The following GPATCH2 variants were observed in gnomAD, a reference collection of about 807,000 sequenced individuals.
GPATCH2 encodes G-patch domain containing 2, also known as G patch domain-containing protein 2.
GPATCH2 carries 51 observed loss-of-function variants against 58.0 expected under a neutral mutation model. The ratio of observed to expected loss-of-function variants is 0.88; its 90% CI spans 0.70 to 1.11. The LOEUF is 1.11. Ranked by LOEUF, GPATCH2 falls within the 50% of genes most tolerant of loss-of-function variation. GPATCH2 has a pLI of 0.00. For missense variants in GPATCH2, 625 were observed against 652.2 expected (o/e 0.96, Z 0.45); for synonymous variants, 222 against 218.5 (o/e 1.02, Z -0.14).
intron 3 of GPATCH2, among the ~76,000 whole-genome samples, chr1:217,613,563 G>GT (rs945082024): frequency 1.3e-5 from 2 of 151,946 alleles, no homozygotes; most frequent in South Asian, 2.1e-4. Context: ...CCTTATTAAG[G>GT]TTTTTTTAAA....
At chr1:217,466,886 A>T (rs142356666) in intron 8 of GPATCH2, among the ~76,000 whole-genome samples, 1 of 152,182 alleles carries the variant, frequency 6.6e-6, no homozygotes, top group Admixed American at 6.6e-5. Flanking sequence ...ATGAAAGGAT[A>T]TATCTGCTGG....
intron 1 of GPATCH2, among the ~76,000 whole-genome samples, chr1:217,626,283 T>C (rs533713599): frequency 6.6e-6 from 1 of 152,334 alleles, no homozygotes; most frequent in East Asian, 1.9e-4. Flanking sequence ...ACAAAAACAC[T>C]GTACTAACAC....
chr1:217,514,959 T>C (rs1490821511), intron 5 of GPATCH2, 70 bp from the exon 6 acceptor site: 10 of 743,162 alleles, frequency 1.3e-5, no homozygotes, highest in Admixed American at 1.2e-4. Flanking sequence ...ATAATAGTGA[T>C]ATATCAATTT....
intron 5 of GPATCH2, among the ~76,000 whole-genome samples, chr1:217,604,480 C>CTT (rs1388278602): frequency 6.6e-6 from 1 of 151,872 alleles, no homozygotes; most frequent in Non-Finnish European, 1.5e-5. Context: ...TTTAAAAACA[C>CTT]TTTCTTCTTG....
chr1:217,594,098 G>A (rs1325381016), intron 5 of GPATCH2, among the ~76,000 whole-genome samples: 3 of 152,150 alleles, frequency 2.0e-5, no homozygotes, highest in East Asian at 3.9e-4. Context: ...CTCTAGGTAC[G>A]TGGCTAAGTG....
At chr1:217,614,348 A>C (rs2102824109) in intron 2 of GPATCH2, 146 bp from the exon 3 acceptor site, 1 of 589,050 alleles carries the variant, frequency 1.7e-6, no homozygotes, top group Middle Eastern at 3.7e-4. Flanking sequence ...TTTTAATCAA[A>C]CTGCTAATAT....
chr1:217,549,025 T>C (rs560576187), intron 5 of GPATCH2, among the ~76,000 whole-genome samples: 2 of 152,330 alleles, frequency 1.3e-5, no homozygotes, highest in East Asian at 1.9e-4. Context: ...TGAGAAGTGG[T>C]AGTTGCCAGG....
intron 9 of GPATCH2, among the ~76,000 whole-genome samples, chr1:217,434,726 C>A (rs1380011134): frequency 1.3e-5 from 2 of 152,096 alleles, no homozygotes; most frequent in Non-Finnish European, 2.9e-5. Context: ...AATTTTCAGT[C>A]CTAAAGTGAA....
chr1:217,460,221 GAA>G (rs1196916636), intron 8 of GPATCH2, among the ~76,000 whole-genome samples: 1 of 152,114 alleles, frequency 6.6e-6, no homozygotes, highest in Non-Finnish European at 1.5e-5. Context: ...CCCATGAACA[GAA>G]AGTTAAGTTA....
chr1:217,625,511 T>C lies in GPATCH2; in HGVS notation c.57-5012A>G, dbSNP rs918083109. ...CGAGAAATAAACAGTCAACTATTTT[T>C]ACAATGACTATTGCTTTTTGAAGCC... On this transcript the variant is annotated intron_variant, in intron 1 of 9. Coordinates refer to ENST00000366935, the MANE Select transcript of GPATCH2 (RefSeq NM_018040.5). 2.0e-5 allele frequency among the ~76,000 whole-genome samples: 3 copies of C among 152,200 alleles called. No individual in the cohort carries two copies. The South Asian group carries it at 6.2e-4, about 31-fold the overall frequency.
intron 8 of GPATCH2, among the ~76,000 whole-genome samples, chr1:217,462,334 C>CA (rs1660233695): frequency 1.3e-5 from 2 of 152,234 alleles, no homozygotes; most frequent in Non-Finnish European, 2.9e-5. Context: ...AATGATTCAA[C>CA]AACGATCAGG....
At chr1:217,526,830 C>T (rs1663930513) in intron 5 of GPATCH2, among the ~76,000 whole-genome samples, 1 of 152,186 alleles carries the variant, frequency 6.6e-6, no homozygotes, top group Non-Finnish European at 1.5e-5. Flanking sequence ...CATATTACCA[C>T]CTGAGCTCTG....
chr1:217,570,498 A>G (rs1666482612), intron 5 of GPATCH2, among the ~76,000 whole-genome samples: 1 of 152,160 alleles, frequency 6.6e-6, no homozygotes, highest in Non-Finnish European at 1.5e-5. Context: ...AAATCTTTCT[A>G]TAAGTATCTT....
chr1:217,588,485 T>C (rs920741781), intron 5 of GPATCH2, among the ~76,000 whole-genome samples: 3 of 152,210 alleles, frequency 2.0e-5, no homozygotes, highest in Admixed American at 6.5e-5. Flanking sequence ...GTTTCTTTTT[T>C]ATTATTTAAA....
intron 5 of GPATCH2, among the ~76,000 whole-genome samples, chr1:217,545,036 G>C (rs1005624100): frequency 6.6e-6 from 1 of 152,016 alleles, no homozygotes; most frequent in Admixed American, 6.6e-5. Context: ...CTGTCTACTG[G>C]AGCCTTCTCA....
chr1:217,581,244 G>A (rs1667069555), intron 5 of GPATCH2, among the ~76,000 whole-genome samples: 2 of 152,190 alleles, frequency 1.3e-5, no homozygotes, highest in Middle Eastern at 6.8e-3. Context: ...GGTTAATAAG[G>A]TTAGTAAGCA....
chr1:217,512,934 T>G (rs140318708), intron 6 of GPATCH2, among the ~76,000 whole-genome samples: 4 of 152,320 alleles, frequency 2.6e-5, no homozygotes, highest in East Asian at 1.9e-4. Flanking sequence ...AAACTGGATA[T>G]ATGCGTTGTG....
In GPATCH2 at chr1:217,543,269, GT is replaced by G. The variant is rs397860651; in HGVS notation, c.1099-28381del. ...CATTGAAAAGCATGATGATGCGAAC[GT>G]TTTTTTTTTTTTTTTTTGAGACAGA... On this transcript the variant is annotated intron_variant, in intron 5 of 9. Transcript: ENST00000366935. Among the ~76,000 whole-genome samples, 102 of 105,706 alleles carry G rather than the reference GT, an allele frequency of 9.6e-4. No individual in the cohort carries two copies. In the Middle Eastern group the frequency reaches 0.016, roughly 17 times the overall value. 69.3% of individuals were successfully genotyped at this position (105,706 alleles called of 152,430 possible). A position where few individuals can be genotyped will look rare whatever the true frequency, so the allele number is the denominator to read the frequency against.
chr1:217,506,271 A>G (rs1662556236), intron 6 of GPATCH2, among the ~76,000 whole-genome samples: 1 of 152,144 alleles, frequency 6.6e-6, no homozygotes, highest in Non-Finnish European at 1.5e-5. Flanking sequence ...TTAACTTTGG[A>G]AATGGTATAC....
Sources: gnomAD v4.1 joint callset for allele counts (sites outside exome capture counted in the v4.1 genomes callset) on GRCh38, gnomAD v4.1.1 for gene constraint, MANE v1.5 for transcripts, NCBI Gene and HGNC (gene_info 2026-07-23, HGNC 2026-07-21) for gene names.